The following GARIN3 variants were observed in gnomAD, a reference collection of about 807,000 sequenced individuals.
GARIN3 encodes Golgi-associated RAB2 interactor protein 3.
chr5:157,162,377 A>G, the GARIN3 span: 1 of 1,535,504 alleles, frequency 6.5e-7, no homozygotes, highest in East Asian at 2.3e-5. Flanking sequence ...GAACTGCAGT[A>G]AAGAAAGCTG....
the GARIN3 span, chr5:157,163,378 A>G: frequency 6.0e-3 from 9,672 of 1,614,136 alleles, 39 homozygotes; most frequent in Non-Finnish European, 7.2e-3. Context: ...TGCTATGCTC[A>G]TAGCACCTGT....
the GARIN3 span, chr5:157,165,710 C>T: frequency 6.2e-7 from 1 of 1,614,086 alleles, no homozygotes; most frequent in Non-Finnish European, 8.5e-7. Context: ...AGGGACACAA[C>T]TGCAGATAAA....
At chr5:157,166,122 G>A in the GARIN3 span, 1 of 1,614,158 alleles carries the variant, frequency 6.2e-7, no homozygotes, top group South Asian at 1.1e-5. Context: ...ACTCATTGAA[G>A]AGTAGCTGTG....
At chr5:157,164,708 C>G in the GARIN3 span, among the ~76,000 whole-genome samples, 5 of 152,190 alleles carry the variant, frequency 3.3e-5, no homozygotes, top group African/African-American at 9.7e-5. Context: ...TACACACACA[C>G]AGGGTGTGCT....
At chr5:157,165,645 A>G in the GARIN3 span, 1 of 1,614,186 alleles carries the variant, frequency 6.2e-7, no homozygotes, top group Non-Finnish European at 8.5e-7. Flanking sequence ...TGGTGGCCTC[A>G]GGAGATAGAC....
At chr5:157,164,257 C>A in the GARIN3 span, among the ~76,000 whole-genome samples, 3 of 148,730 alleles carry the variant, frequency 2.0e-5, no homozygotes, top group East Asian at 6.1e-4. Flanking sequence ...TCAAGGGATT[C>A]TCCTGCCTTA....
At chr5:157,165,289 G>A in the GARIN3 span, among the ~76,000 whole-genome samples, 1 of 152,276 alleles carries the variant, frequency 6.6e-6, no homozygotes, top group African/African-American at 2.4e-5. Flanking sequence ...AAAGACTGAC[G>A]ATCAGGATGG....
At chr5:157,162,835 C>G in the GARIN3 span, 1 of 1,614,138 alleles carries the variant, frequency 6.2e-7, no homozygotes, top group Non-Finnish European at 8.5e-7. Flanking sequence ...TTTGTCATCT[C>G]TCGTGTTTTT....
the GARIN3 span, among the ~76,000 whole-genome samples, chr5:157,164,312 G>A: frequency 3.4e-3 from 512 of 152,090 alleles, 2 homozygotes; most frequent in African/African-American, 0.012. Flanking sequence ...ACCATACCTG[G>A]CTAATTTTTT....
chr5:157,163,708 G>T, the GARIN3 span: 4 of 1,560,660 alleles, frequency 2.6e-6, no homozygotes, highest in Non-Finnish European at 3.5e-6. Flanking sequence ...CTGAAAGGGA[G>T]ATCAGAACTT....
chr5:157,163,564 C>T, the GARIN3 span: 7 of 1,614,048 alleles, frequency 4.3e-6, no homozygotes, highest in Admixed American at 6.7e-5. Flanking sequence ...GATTCCCTCT[C>T]CCCCAGCATA....
the GARIN3 span, chr5:157,162,838 G>T: frequency 6.2e-7 from 1 of 1,614,078 alleles, no homozygotes; most frequent in South Asian, 1.1e-5. Flanking sequence ...GTCATCTCTC[G>T]TGTTTTTATG....
the GARIN3 span, chr5:157,166,258 G>A: frequency 6.6e-7 from 1 of 1,516,788 alleles, no homozygotes; most frequent in Non-Finnish European, 8.8e-7. Context: ...CTCCCTACAG[G>A]ACTTCTGCCT....
At chr5:157,164,189 G>T in the GARIN3 span, among the ~76,000 whole-genome samples, 3 of 129,160 alleles carry the variant, frequency 2.3e-5, no homozygotes, top group East Asian at 4.4e-4. Context: ...TTGCTCTGTC[G>T]CCCAGGCTAG....
chr5:157,166,036 G>A, the GARIN3 span: 1 of 1,614,026 alleles, frequency 6.2e-7, no homozygotes, highest in Non-Finnish European at 8.5e-7. Context: ...TCGAACATTG[G>A]TGCATACTTG....
the GARIN3 span, chr5:157,162,683 G>A: frequency 1.2e-6 from 2 of 1,614,166 alleles, no homozygotes; most frequent in Non-Finnish European, 1.7e-6. Context: ...GCTTTCTTTT[G>A]TAAAGCTCCT....
the GARIN3 span, among the ~76,000 whole-genome samples, chr5:157,164,604 G>A: frequency 2.3e-4 from 35 of 152,092 alleles, no homozygotes; most frequent in Admixed American, 6.5e-4. Flanking sequence ...TTATTTTTAC[G>A]TGCTCTGCAG....
the GARIN3 span, chr5:157,162,110 C>A: frequency 3.1e-6 from 1 of 323,562 alleles, no homozygotes; most frequent in South Asian, 4.7e-5. Context: ...TGGTGGTGGC[C>A]ATGCATCCCA....
the GARIN3 span, chr5:157,163,215 G>T: frequency 1.2e-6 from 2 of 1,614,070 alleles, no homozygotes; most frequent in Admixed American, 3.3e-5. Flanking sequence ...CCAAGGAGGT[G>T]CTTGCAGCAC....
Sources: allele counts gnomAD v4.1 joint callset (sites outside exome capture counted in the v4.1 genomes callset), GRCh38; gene constraint gnomAD v4.1.1; transcripts MANE v1.5; gene names NCBI Gene and HGNC (gene_info 2026-07-23, HGNC 2026-07-21).